Variants in NLGN1 observed in about 807,000 individuals in gnomAD.
NLGN1 encodes the protein neuroligin 1.
NLGN1 carries 12 observed loss-of-function variants against 65.5 expected under a neutral mutation model. That is an observed-to-expected ratio of 0.18 (90% CI 0.12 to 0.30). NLGN1 has a LOEUF of 0.30. NLGN1 is among the 10% of genes least tolerant of loss of function. The pLI, the probability that NLGN1 is intolerant of heterozygous loss-of-function variation, is 1.00. For synonymous variants in NLGN1, 350 were observed against 359.5 expected (o/e 0.97, Z 0.30); for missense variants, 750 against 1,007.1 (o/e 0.74, Z 3.46).
At chr3:173,945,209 C>T (rs1199410017) in intron 4 of NLGN1, among the ~76,000 whole-genome samples, 1 of 151,984 alleles carries the variant, frequency 6.6e-6, no homozygotes, top group African/African-American at 2.4e-5. Context: ...CATGCCTGGT[C>T]TCCCTTTAGA....
downstream of NLGN1, among the ~76,000 whole-genome samples, chr3:174,288,792 A>T (rs1245419998): frequency 6.6e-6 from 1 of 151,506 alleles, no homozygotes; most frequent in Non-Finnish European, 1.5e-5. Context: ...AAGTATATTT[A>T]TTTTAATATA....
chr3:174,183,562 C>T (rs962531019), intron 4 of NLGN1, among the ~76,000 whole-genome samples: 4 of 151,982 alleles, frequency 2.6e-5, no homozygotes, highest in African/African-American at 9.7e-5. Flanking sequence ...CAGTACACAA[C>T]AGAAGTAAAT....
chr3:173,466,784 A>G (rs1256838152), intron 2 of NLGN1, among the ~76,000 whole-genome samples: 1 of 152,166 alleles, frequency 6.6e-6, no homozygotes, highest in African/African-American at 2.4e-5. Flanking sequence ...CACAGATGGT[A>G]GACAACTTTA....
chr3:173,710,948 T>C (rs1768853676), intron 3 of NLGN1, among the ~76,000 whole-genome samples: 1 of 152,158 alleles, frequency 6.6e-6, no homozygotes, highest in Non-Finnish European at 1.5e-5. Flanking sequence ...ATTATTCCAG[T>C]GAAACTAAAT....
intron 4 of NLGN1, among the ~76,000 whole-genome samples, chr3:174,152,650 A>G (rs1037334028): frequency 2.0e-5 from 3 of 151,812 alleles, no homozygotes; most frequent in African/African-American, 7.2e-5. Context: ...TATAATAAAA[A>G]TATATATATA....
At chr3:174,001,085 A>G (rs770864756) in intron 4 of NLGN1, among the ~76,000 whole-genome samples, 24 of 152,226 alleles carry the variant, frequency 1.6e-4, no homozygotes, top group Non-Finnish European at 3.5e-4. Flanking sequence ...AATTGTACAG[A>G]GAATGCATCA....
intron 4 of NLGN1, among the ~76,000 whole-genome samples, chr3:173,950,015 A>G (rs376901141): frequency 1.3e-3 from 204 of 152,334 alleles, no homozygotes; most frequent in African/African-American, 4.7e-3. Context: ...ACTGTGACTT[A>G]AACAAACATT....
intron 2 of NLGN1, among the ~76,000 whole-genome samples, chr3:173,525,611 T>A (rs1334395574): frequency 6.6e-6 from 1 of 152,098 alleles, no homozygotes; most frequent in Admixed American, 6.5e-5. Flanking sequence ...TGTGCTCTGA[T>A]CCTTGTTATT....
chr3:173,852,054 A>G (rs996997080), intron 4 of NLGN1, among the ~76,000 whole-genome samples: 12 of 152,128 alleles, frequency 7.9e-5, no homozygotes, highest in Non-Finnish European at 7.3e-5. Context: ...TTATGAATCT[A>G]AAGTTGAGAC....
chr3:173,551,103 T>G (rs1030195607), intron 2 of NLGN1, among the ~76,000 whole-genome samples: 1 of 152,174 alleles, frequency 6.6e-6, no homozygotes, highest in African/African-American at 2.4e-5. Flanking sequence ...CCTTCATTGA[T>G]AACTTTAACG....
intron 3 of NLGN1, among the ~76,000 whole-genome samples, chr3:173,702,238 CAAAA>C (rs67328889): frequency 6.7e-5 from 6 of 89,820 alleles, no homozygotes; most frequent in Non-Finnish European, 1.3e-4. Flanking sequence ...GACTCCGTCT[CAAAA>C]AAAAAAAAAA....
chr3:174,278,816 C>T lies in NLGN1; in HGVS notation c.860-45C>T, dbSNP rs899544026. 3 of 1,395,454 alleles carry T rather than the reference C, an allele frequency of 2.1e-6. No individual in the cohort carries two copies. The African/African-American group carries it at 4.4e-5, about 20-fold the overall frequency. The allele number at this position is 1,395,454 out of a possible 1,614,324, so 86.4% of individuals were successfully genotyped here. ...ATCAGATGTTATTGTTTTACCACAA[C>T]ATTACCCAAAGATCATCTAAAATTC... On this transcript the variant is annotated intron_variant, in intron 5 of 6. Coordinates refer to ENST00000457714, the Ensembl canonical transcript of NLGN1.
intron 4 of NLGN1, among the ~76,000 whole-genome samples, chr3:174,062,381 GA>G (rs1737604998): frequency 6.6e-6 from 1 of 152,054 alleles, no homozygotes; most frequent in African/African-American, 2.4e-5. Context: ...TATAGAAACT[GA>G]TTTTTTTCTT....
intron 3 of NLGN1, among the ~76,000 whole-genome samples, chr3:173,803,572 C>CTT (rs1715951790): frequency 6.6e-6 from 1 of 152,086 alleles, no homozygotes; most frequent in Non-Finnish European, 1.5e-5. Context: ...TGCACCACTG[C>CTT]ACCCCAGCCT....
intron 4 of NLGN1, among the ~76,000 whole-genome samples, chr3:173,926,480 T>G (rs1743026636): frequency 6.6e-6 from 1 of 152,186 alleles, no homozygotes; most frequent in African/African-American, 2.4e-5. Flanking sequence ...ATCCCAATCT[T>G]ACTTCCCACT....
chr3:173,514,463 C>T (rs1008161819), intron 2 of NLGN1, among the ~76,000 whole-genome samples: 2 of 152,102 alleles, frequency 1.3e-5, no homozygotes, highest in East Asian at 1.9e-4. Context: ...TTAGCTGTCA[C>T]TTGTGAGTGA....
chr3:173,408,485 T>C (rs1560210470), intron 1 of NLGN1, among the ~76,000 whole-genome samples: 1 of 152,268 alleles, frequency 6.6e-6, no homozygotes, highest in East Asian at 1.9e-4. Flanking sequence ...TCACTCTCCA[T>C]AAAAACAGCA....
At chr3:173,603,985 C>A (rs1368302027) in intron 2 of NLGN1, among the ~76,000 whole-genome samples, 1 of 151,992 alleles carries the variant, frequency 6.6e-6, no homozygotes, top group Admixed American at 6.6e-5. Flanking sequence ...AAATTTCACA[C>A]CTAACATTCA....
chr3:173,834,525 A>G (rs1249767890), intron 4 of NLGN1, among the ~76,000 whole-genome samples: 4 of 152,104 alleles, frequency 2.6e-5, no homozygotes, highest in Non-Finnish European at 4.4e-5. Flanking sequence ...GGTTAAGTGA[A>G]TTTTCCCATT....
Sources: gnomAD v4.1 joint callset for allele counts (sites outside exome capture counted in the v4.1 genomes callset) on GRCh38, gnomAD v4.1.1 for gene constraint, MANE v1.5 for transcripts, NCBI Gene and HGNC (gene_info 2026-07-23, HGNC 2026-07-21) for gene names.